The following PHF24 variants were observed in gnomAD, a reference collection of about 807,000 sequenced individuals.
The protein encoded by PHF24 is Galpha inhibitory interacting protein.
In PHF24, 25 loss-of-function variants were observed where a neutral mutation model predicts 42.6. The ratio of observed to expected loss-of-function variants is 0.59; its 90% CI spans 0.43 to 0.82. The LOEUF is 0.82. Ranked by LOEUF, PHF24 falls within the 40% of genes least tolerant of loss-of-function variation. The pLI is 0.00. For missense variants in PHF24, 470 were observed against 538.1 expected, an observed-to-expected ratio of 0.87 and a Z score of 1.25; for synonymous variants, 185 against 204.8, an observed-to-expected ratio of 0.90 and a Z score of 0.83.
At chr9:34,810,513 T>C in the PHF24 span, among the ~76,000 whole-genome samples, 1 of 152,088 alleles carries the variant, frequency 6.6e-6, no homozygotes, top group Non-Finnish European at 1.5e-5. Context: ...GAAGACCGCC[T>C]GGGAACATAG....
At chr9:34,905,413 G>C in the PHF24 span, among the ~76,000 whole-genome samples, 8 of 152,222 alleles carry the variant, frequency 5.3e-5, no homozygotes, top group Admixed American at 5.2e-4. Context: ...AAACACTGTA[G>C]GGGATATAAA....
At chr9:34,720,986 G>A in the PHF24 span, among the ~76,000 whole-genome samples, 5 of 152,034 alleles carry the variant, frequency 3.3e-5, no homozygotes, top group Non-Finnish European at 7.4e-5. Flanking sequence ...CACAGACACG[G>A]TCCCTTCCCA....
At chr9:34,923,937 C>T in the PHF24 span, among the ~76,000 whole-genome samples, 1 of 151,898 alleles carries the variant, frequency 6.6e-6, no homozygotes, top group Non-Finnish European at 1.5e-5. Context: ...GATGTAGGCA[C>T]TTATTGCTAT....
At chr9:34,955,608 C>T (rs200841531), upstream of PHF24, among the ~76,000 whole-genome samples, 2 of 152,124 alleles carry the variant, frequency 1.3e-5, no homozygotes, top group Non-Finnish European at 2.9e-5. Flanking sequence ...ACCTGGGAGG[C>T]GGAGGTTGCA....
the PHF24 span, among the ~76,000 whole-genome samples, chr9:34,843,707 C>T: frequency 6.6e-6 from 1 of 152,048 alleles, no homozygotes; most frequent in African/African-American, 2.4e-5. Flanking sequence ...ATTATTTCAC[C>T]ATGCTTGGCT....
At chr9:34,903,446 G>C in the PHF24 span, among the ~76,000 whole-genome samples, 5 of 152,144 alleles carry the variant, frequency 3.3e-5, no homozygotes, top group Non-Finnish European at 7.4e-5. Flanking sequence ...TGCTTCTGTA[G>C]CCCTAGCTAC....
chr9:34,727,137 A>G, the PHF24 span: 1 of 1,406,710 alleles, frequency 7.1e-7, no homozygotes, highest in Non-Finnish European at 9.3e-7. Flanking sequence ...TTCCTTGCTA[A>G]GAAAATGCCA....
At chr9:34,930,641 A>C in the PHF24 span, among the ~76,000 whole-genome samples, 5 of 146,354 alleles carry the variant, frequency 3.4e-5, no homozygotes, top group Middle Eastern at 6.9e-3. Context: ...TTCTTCTCTT[A>C]TGGAATCTTG....
At chr9:34,900,473 C>T in the PHF24 span, among the ~76,000 whole-genome samples, 31 of 152,202 alleles carry the variant, frequency 2.0e-4, no homozygotes, top group African/African-American at 7.0e-4. Context: ...GTGGTGTGCA[C>T]CTGTAGTCTC....
At chr9:34,725,108 G>A in the PHF24 span, 2 of 1,551,164 alleles carry the variant, frequency 1.3e-6, no homozygotes, top group Non-Finnish European at 1.7e-6. Flanking sequence ...GGGAAAAGGA[G>A]CCACTGCCAG....
At chr9:34,977,019 T>A in intron 5 of PHF24, 64 bp from the exon 6 acceptor site, 1 of 1,504,266 alleles carries the variant, frequency 6.6e-7, no homozygotes. Context: ...GGAGATAGGA[T>A]TCTCTATGGC....
chr9:34,672,112 T>C, the PHF24 span, among the ~76,000 whole-genome samples: 1 of 152,236 alleles, frequency 6.6e-6, no homozygotes, highest in East Asian at 1.9e-4. Flanking sequence ...TGCTGTGGGC[T>C]GTTTTTGTTT....
At chr9:34,769,363 C>T in the PHF24 span, among the ~76,000 whole-genome samples, 13 of 152,068 alleles carry the variant, frequency 8.5e-5, no homozygotes, top group South Asian at 2.1e-4. Flanking sequence ...TCAGGTGATC[C>T]GCCTGCCTCG....
At chr9:34,893,057 T>C in the PHF24 span, 6 of 954,130 alleles carry the variant, frequency 6.3e-6, no homozygotes, top group Non-Finnish European at 9.6e-6. Context: ...TGCCAGCAAT[T>C]GCTTAATCTC....
chr9:34,942,820 C>CA, the PHF24 span, among the ~76,000 whole-genome samples: 1 of 151,810 alleles, frequency 6.6e-6, no homozygotes, highest in South Asian at 2.1e-4. Context: ...GGACCAAAGG[C>CA]GGGGAACATC....
chr9:34,705,176 T>C, the PHF24 span, among the ~76,000 whole-genome samples: 3 of 152,206 alleles, frequency 2.0e-5, no homozygotes, highest in Non-Finnish European at 4.4e-5. Context: ...TAGAAATCCT[T>C]CATATTTATA....
At chr9:34,698,062 G>T in the PHF24 span, among the ~76,000 whole-genome samples, 16 of 152,202 alleles carry the variant, frequency 1.1e-4, no homozygotes, top group African/African-American at 3.9e-4. Context: ...TCCTAGTAAT[G>T]AAATAGATGG....
At chr9:34,765,953 C>T in the PHF24 span, among the ~76,000 whole-genome samples, 1 of 151,724 alleles carries the variant, frequency 6.6e-6, no homozygotes, top group African/African-American at 2.4e-5. Context: ...TTCTCCTTCA[C>T]TTATGAAGCT....
At chr9:34,806,235 C>T in the PHF24 span, among the ~76,000 whole-genome samples, 1 of 151,894 alleles carries the variant, frequency 6.6e-6, no homozygotes, top group Non-Finnish European at 1.5e-5. Context: ...TTAGAATCAT[C>T]TATCGCTTTC....
Sources: gnomAD v4.1 joint callset for allele counts (sites outside exome capture counted in the v4.1 genomes callset) on GRCh38, gnomAD v4.1.1 for gene constraint, MANE v1.5 for transcripts, NCBI Gene and HGNC (gene_info 2026-07-23, HGNC 2026-07-21) for gene names.